The following MSRA variants were observed in gnomAD, a reference collection of about 807,000 sequenced individuals.
MSRA encodes the protein methionine sulfoxide reductase A.
MSRA carries 54 observed loss-of-function variants against 31.3 expected under a neutral mutation model. The ratio of observed to expected loss-of-function variants is 1.73; its 90% confidence interval spans 1.39 to 2.17. The LOEUF is 2.17. Ranked by LOEUF, MSRA falls within the 30% of genes most tolerant of loss-of-function variation. The probability of loss-of-function intolerance (pLI) is 0.00; values close to 1 mark genes in which losing one functional copy is unlikely to be tolerated. For missense variants in MSRA, 507 were observed against 300.9 expected, an observed-to-expected ratio of 1.69 and a Z score of -5.07; for synonymous variants, 169 against 116.5, an observed-to-expected ratio of 1.45 and a Z score of -2.90.
intron 5 of MSRA, among the ~76,000 whole-genome samples, chr8:10,413,224 G>T (rs756179589): frequency 6.6e-6 from 1 of 152,198 alleles, no homozygotes; most frequent in Non-Finnish European, 1.5e-5. Flanking sequence ...GAAGCTTCCT[G>T]TGCTCTAGCG....
At chr8:10,163,861 C>T (rs1804884607) in intron 1 of MSRA, among the ~76,000 whole-genome samples, 1 of 152,232 alleles carries the variant, frequency 6.6e-6, no homozygotes, top group African/African-American at 2.4e-5. Context: ...GGCCCCTCCG[C>T]CCTTTGCCCC....
At chr8:10,346,153 C>T (rs948670202) in intron 5 of MSRA, among the ~76,000 whole-genome samples, 1 of 152,292 alleles carries the variant, frequency 6.6e-6, no homozygotes, top group South Asian at 2.1e-4. Context: ...CCTCTTTTCT[C>T]TTATATATGG....
At chr8:10,135,285 G>A (rs1324890496) in intron 1 of MSRA, among the ~76,000 whole-genome samples, 1 of 152,236 alleles carries the variant, frequency 6.6e-6, no homozygotes, top group Admixed American at 6.5e-5. Flanking sequence ...GTGGTGAGGA[G>A]AAAGTCATTC....
intron 5 of MSRA, among the ~76,000 whole-genome samples, chr8:10,366,700 A>T (rs1585597283): frequency 6.6e-6 from 1 of 151,972 alleles, no homozygotes. Flanking sequence ...GTTGCTGGGG[A>T]CGTCTGTCCA....
At position 10,105,622 on chromosome 8, in the gene MSRA, T is replaced by C. The variant is rs142640872; in HGVS notation, c.142+50964T>C. Among the ~76,000 whole-genome samples, 846 of 152,332 alleles carry C rather than the reference T, an allele frequency of 5.6e-3. 11 individuals carry two copies. The highest frequency in any genetic ancestry group is 0.018 in the African/African-American group (769 of 41,572). ...TAGGGCCCTTAGAAAGAATGTTCTG[T>C]TGATCTGATTATAGTGCTTTCTATA... On this transcript the variant is annotated intron_variant, in intron 1 of 5. Coordinates refer to ENST00000317173, the MANE Select transcript of MSRA (RefSeq NM_012331.5).
At chr8:10,117,053 G>A (rs141475069) in intron 1 of MSRA, among the ~76,000 whole-genome samples, 192 of 152,286 alleles carry the variant, frequency 1.3e-3, no homozygotes, top group African/African-American at 4.2e-3. Flanking sequence ...GAAGGGAGCT[G>A]AAAATCCATC....
At chr8:10,283,532 C>T (rs1455718546) in intron 3 of MSRA, among the ~76,000 whole-genome samples, 1 of 151,648 alleles carries the variant, frequency 6.6e-6, no homozygotes, top group Non-Finnish European at 1.5e-5. Flanking sequence ...TTTTGTTGCA[C>T]CCATCACCCA....
At chr8:10,323,520 T>A (rs1165483001) in intron 5 of MSRA, among the ~76,000 whole-genome samples, 1 of 152,226 alleles carries the variant, frequency 6.6e-6, no homozygotes, top group Non-Finnish European at 1.5e-5. Context: ...TTCCAGTTTC[T>A]ATCCCATTGT....
At chr8:10,264,325 G>T (rs1041313578) in intron 3 of MSRA, among the ~76,000 whole-genome samples, 1 of 152,138 alleles carries the variant, frequency 6.6e-6, no homozygotes, top group African/African-American at 2.4e-5. Flanking sequence ...TCGTTTCTTT[G>T]ATTGCCCAGA....
intron 1 of MSRA, among the ~76,000 whole-genome samples, chr8:10,063,884 T>C (rs1797330837): frequency 6.6e-6 from 1 of 152,204 alleles, no homozygotes; most frequent in South Asian, 2.1e-4. Context: ...GTTTTTTCCT[T>C]GCAGCCCTGT....
At chr8:10,256,374 G>A (rs1034987732) in intron 3 of MSRA, among the ~76,000 whole-genome samples, 1 of 152,122 alleles carries the variant, frequency 6.6e-6, no homozygotes, top group Non-Finnish European at 1.5e-5. Flanking sequence ...TTCCCCTGCC[G>A]AAGAATATCT....
At chr8:10,317,914 C>T (rs1038894894) in intron 4 of MSRA, among the ~76,000 whole-genome samples, 6 of 152,104 alleles carry the variant, frequency 3.9e-5, no homozygotes, top group African/African-American at 7.2e-5. Context: ...TGGTCCCCAC[C>T]GTGACTTGTC....
At chr8:10,071,859 G>C (rs748950047) in intron 1 of MSRA, among the ~76,000 whole-genome samples, 1 of 152,064 alleles carries the variant, frequency 6.6e-6, no homozygotes, top group Admixed American at 6.5e-5. Flanking sequence ...ATCTCAGTAC[G>C]AGAGTCTCCA....
intron 1 of MSRA, among the ~76,000 whole-genome samples, chr8:10,137,077 A>G (rs1035638070): frequency 6.6e-6 from 1 of 152,140 alleles, no homozygotes; most frequent in African/African-American, 2.4e-5. Context: ...ATTCGCTTCC[A>G]TCCTCAGATC....
intron 5 of MSRA, among the ~76,000 whole-genome samples, chr8:10,329,027 C>G (rs547222497): frequency 2.6e-4 from 39 of 152,334 alleles, no homozygotes; most frequent in African/African-American, 9.1e-4. Context: ...TGCAAACTCT[C>G]TTGACACCGA....
At chr8:10,113,521 A>C (rs1221962627) in intron 1 of MSRA, among the ~76,000 whole-genome samples, 1 of 150,928 alleles carries the variant, frequency 6.6e-6, no homozygotes, top group African/African-American at 2.4e-5. Context: ...ATGTTGGGGA[A>C]GTTTTCTTCT....
chr8:10,396,514 G>A (rs941132734), intron 5 of MSRA, among the ~76,000 whole-genome samples: 1 of 152,210 alleles, frequency 6.6e-6, no homozygotes, highest in Non-Finnish European at 1.5e-5. Context: ...CTTGGATTGT[G>A]ATCCTGTGAA....
At chr8:10,238,566 G>A (rs1812144753) in intron 2 of MSRA, among the ~76,000 whole-genome samples, 1 of 152,186 alleles carries the variant, frequency 6.6e-6, no homozygotes, top group Non-Finnish European at 1.5e-5. Context: ...ATTGGTGCAG[G>A]AATAGACAAA....
intron 5 of MSRA, among the ~76,000 whole-genome samples, chr8:10,322,418 C>T (rs904705860): frequency 1.3e-5 from 2 of 152,160 alleles, no homozygotes; most frequent in African/African-American, 4.8e-5. Context: ...AAGACCAGAA[C>T]TTGGAACTTC....
Sources: allele counts gnomAD v4.1 joint callset (sites outside exome capture counted in the v4.1 genomes callset), GRCh38; gene constraint gnomAD v4.1.1; transcripts MANE v1.5; gene names NCBI Gene and HGNC (gene_info 2026-07-23, HGNC 2026-07-21).